The following DNAAF11 variants were observed in gnomAD, a reference collection of about 807,000 sequenced individuals.
The protein encoded by DNAAF11 is dynein axonemal assembly factor 11.
Under a neutral mutation model 60.8 loss-of-function variants are expected in DNAAF11, and 45 were observed. That is an observed-to-expected ratio of 0.74 (90% CI 0.58 to 0.95). The LOEUF (loss-of-function observed/expected upper bound fraction) is 0.95. Ranked by LOEUF, DNAAF11 falls within the 40% of genes least tolerant of loss-of-function variation. The pLI is 0.00. For synonymous variants in DNAAF11, 191 were observed against 183.5 expected, an observed-to-expected ratio of 1.04 and a Z score of -0.33; for missense variants, 546 against 546.2, an observed-to-expected ratio of 1.00 and a Z score of 0.00.
At chr8:132,669,820 A>T (rs1047086890) in intron 1 of DNAAF11, among the ~76,000 whole-genome samples, 6 of 152,122 alleles carry the variant, frequency 3.9e-5, no homozygotes, top group African/African-American at 4.8e-5. Flanking sequence ...TTTTGAACAG[A>T]GTTAAAAATT....
intron 10 of DNAAF11, among the ~76,000 whole-genome samples, chr8:132,599,916 T>C (rs745452477): frequency 6.6e-6 from 1 of 152,216 alleles, no homozygotes; most frequent in Non-Finnish European, 1.5e-5. Flanking sequence ...TTGGAAGTTC[T>C]AGCCAGGACA....
chr8:132,656,889 T>C lies in DNAAF11; in HGVS notation c.197A>G (p.Lys66Arg), dbSNP rs1026750331. The change falls in exon 3 of 12, where the codon AAG (lysine) becomes AGG (arginine). Residue 66 changes from lysine (K) to arginine (R), a missense_variant. By Grantham distance (26) the Lys-to-Arg change is conservative (BLOSUM62 2). Transcript: ENST00000620350. ...IGKIENVSKL[K>R]KLEYLNLALN... ...AGCTAAATTCAAATATTCAAGTTTC[T>C]TGAGTTTGCTAACATTTTCTGAAAT... The C allele has an allele frequency of 1.5e-6, 2 of 1,370,280 alleles. No homozygotes were observed. Among genetic ancestry groups the C allele is most frequent in the African/African-American group, 2.9e-5 (2 of 68,612 alleles). 84.9% of individuals were successfully genotyped at this position (1,370,280 alleles called of 1,614,324 possible). A position where few individuals can be genotyped will look rare whatever the true frequency, so the allele number is the denominator to read the frequency against.
chr8:132,634,484 G>A (rs558280072), intron 4 of DNAAF11, among the ~76,000 whole-genome samples: 1 of 151,992 alleles, frequency 6.6e-6, no homozygotes, highest in Non-Finnish European at 1.5e-5. Flanking sequence ...AGACCATAAT[G>A]ATAAATTCAA....
chr8:132,601,785 G>C (rs1817649190), intron 10 of DNAAF11, among the ~76,000 whole-genome samples: 1 of 152,112 alleles, frequency 6.6e-6, no homozygotes. Flanking sequence ...GGTGCGGGGA[G>C]GGTGGAGGGA....
intron 7 of DNAAF11, among the ~76,000 whole-genome samples, chr8:132,619,504 T>C (rs907503688): frequency 4.6e-5 from 7 of 152,096 alleles, no homozygotes; most frequent in African/African-American, 1.7e-4. Flanking sequence ...CCAAATCTGC[T>C]ATGTCCAGTA....
At chr8:132,696,199 A>G in the DNAAF11 span, among the ~76,000 whole-genome samples, 1 of 152,220 alleles carries the variant, frequency 6.6e-6, no homozygotes, top group Admixed American at 6.5e-5. Flanking sequence ...GATAATCAAC[A>G]TCATTATCCA....
chr8:132,618,686 C>T (rs1819438259), intron 7 of DNAAF11, among the ~76,000 whole-genome samples: 1 of 150,168 alleles, frequency 6.7e-6, no homozygotes, highest in Non-Finnish European at 1.5e-5. Context: ...AGCCAAAAAA[C>T]ACATGAAAAA....
chr8:132,675,877 G>A (rs1198989001), upstream of DNAAF11, among the ~76,000 whole-genome samples: 1 of 152,088 alleles, frequency 6.6e-6, no homozygotes, highest in Non-Finnish European at 1.5e-5. Flanking sequence ...TTTCCTTTTT[G>A]TGTTTGATTT....
At chr8:132,607,139 C>T (rs1818214486) in intron 10 of DNAAF11, among the ~76,000 whole-genome samples, 1 of 152,290 alleles carries the variant, frequency 6.6e-6, no homozygotes, top group South Asian at 2.1e-4. Context: ...CTGGTAAGTG[C>T]TCTATGCAGG....
rs1816405846 is a variant in DNAAF11 at position 132,591,021 on chromosome 8, T to G, written c.1141-7242A>C. On this transcript the variant is annotated intron_variant, in intron 10 of 11. Coordinates refer to ENST00000620350, the MANE Select transcript of DNAAF11 (RefSeq NM_012472.6). ...TTGAATAGTTAGATTGTTTCCAATTTCTTTTATCATGGTGTCTACCCATGT... is the reference window on the plus strand; with the variant it reads ...TTGAATAGTTAGATTGTTTCCAATTGCTTTTATCATGGTGTCTACCCATGT... 2.0e-5 allele frequency among the ~76,000 whole-genome samples: 3 copies of G among 152,222 alleles called. No individual in the cohort carries two copies. In the South Asian group the frequency reaches 6.2e-4, roughly 31 times the overall value.
chr8:132,664,631 T>G (rs1233603153), intron 1 of DNAAF11, among the ~76,000 whole-genome samples: 1 of 151,098 alleles, frequency 6.6e-6, no homozygotes, highest in Non-Finnish European at 1.5e-5. Flanking sequence ...CCAGCTAATT[T>G]TTTTTTTTTT....
At chr8:132,668,253 G>A (rs1012148132) in intron 1 of DNAAF11, among the ~76,000 whole-genome samples, 3 of 152,156 alleles carry the variant, frequency 2.0e-5, no homozygotes, top group Admixed American at 1.3e-4. Context: ...CATAATGAGC[G>A]GCAACAGCCG....
At position 132,572,413 on chromosome 8, in the gene DNAAF11, C is replaced by G; in HGVS notation, c.1294G>C (p.Val432Leu). ...KHSFPDVTNIVQEKKHTPRRR... is the reference protein window; with the variant it reads ...KHSFPDVTNILQEKKHTPRRR... Reference sequence around the variant, plus strand: ...CTGGGTGTGTGTTTTTTCTCTTGAACTATGTTAGTCACATCAGGGAATGAG... The same window carrying G: ...CTGGGTGTGTGTTTTTTCTCTTGAAGTATGTTAGTCACATCAGGGAATGAG... Residue 432 changes from valine (V) to leucine (L), a missense_variant, in exon 12 of 12, where the codon GTT (valine) becomes CTT (leucine). Physicochemically the swap from Val to Leu is conservative, Grantham distance 32. Coordinates refer to ENST00000620350, the MANE Select transcript of DNAAF11 (RefSeq NM_012472.6). 6.2e-7 allele frequency: 1 copy of G among 1,613,704 alleles called. No homozygotes were observed. The highest frequency in any genetic ancestry group is 1.7e-4 in the Middle Eastern group (1 of 6,060).
chr8:132,646,423 G>A (rs1191061494), intron 3 of DNAAF11, among the ~76,000 whole-genome samples: 4 of 152,064 alleles, frequency 2.6e-5, no homozygotes, highest in South Asian at 2.1e-4. Flanking sequence ...AAGAAACTAC[G>A]TCAACTAACA....
At chr8:132,618,819 G>C (rs921248564) in intron 7 of DNAAF11, among the ~76,000 whole-genome samples, 1 of 152,150 alleles carries the variant, frequency 6.6e-6, no homozygotes, top group East Asian at 1.9e-4. Context: ...AGAGGATGTG[G>C]AGAAATAGGA....
chr8:132,622,578 T>G (rs184531405), intron 7 of DNAAF11, 33 bp downstream of exon 7: 1 of 1,519,866 alleles, frequency 6.6e-7, no homozygotes, highest in South Asian at 1.2e-5. Flanking sequence ...CTGACACTTT[T>G]GGGTCTTTAA....
At chr8:132,668,508 G>A (rs564269706) in intron 1 of DNAAF11, among the ~76,000 whole-genome samples, 36 of 151,938 alleles carry the variant, frequency 2.4e-4, no homozygotes, top group African/African-American at 8.7e-4. Flanking sequence ...GCGCGATCTT[G>A]GCTCACTGCA....
chr8:132,681,318 C>CTTTTTTTTTTTTT, the DNAAF11 span, among the ~76,000 whole-genome samples: 313 of 128,930 alleles, frequency 2.4e-3, 4 homozygotes, highest in African/African-American at 9.1e-3. Flanking sequence ...CCAACCATTC[C>CTTTTTTTTTTTTT]TTTTTTTTTT....
At chr8:132,642,654 T>C (rs778631433) in intron 3 of DNAAF11, among the ~76,000 whole-genome samples, 1 of 152,214 alleles carries the variant, frequency 6.6e-6, no homozygotes, top group Non-Finnish European at 1.5e-5. Context: ...AAAATCTGCT[T>C]CTGTGGAAAG....
Sources: gnomAD v4.1 joint callset for allele counts (sites outside exome capture counted in the v4.1 genomes callset) on GRCh38, gnomAD v4.1.1 for gene constraint, MANE v1.5 for transcripts, NCBI Gene and HGNC (gene_info 2026-07-23, HGNC 2026-07-21) for gene names.